ANO1: variants seen among roughly 807,000 people sequenced by gnomAD.
ANO1 encodes the protein anoctamin-1.
In ANO1, 59 loss-of-function variants were observed where a neutral mutation model predicts 124.0. That is an observed-to-expected ratio of 0.48 (90% CI 0.39 to 0.59). The LOEUF is 0.59. Among genes scored for constraint, ANO1 ranks in the 20% least tolerant of loss-of-function variants. The pLI, the probability that ANO1 is intolerant of heterozygous loss-of-function variation, is 0.00. For missense variants in ANO1, 1,059 were observed against 1,328.0 expected (o/e 0.80, Z 3.15); for synonymous variants, 529 against 532.0 (o/e 0.99, Z 0.08).
intron 21 of ANO1, among the ~76,000 whole-genome samples, chr11:70,169,608 G>T (rs955325149): frequency 1.3e-5 from 2 of 152,088 alleles, no homozygotes; most frequent in African/African-American, 2.4e-5. Context: ...TGGCCCTCAT[G>T]CACAGCACAC....
In ANO1 at chr11:70,029,289, G is replaced by T. The variant is rs570252897; in HGVS notation, c.58+43123G>T. On this transcript the variant is annotated intron_variant, in intron 1 of 27. Coordinates refer to the ANO1 transcript ENST00000531349. ...GGCACCCTCTTCCCTCTGCACACAG[G>T]CCTGCTCTGCGCAAAGATGAGGCCT... Among the ~76,000 whole-genome samples the T allele has an allele frequency of 5.9e-5, 9 of 152,314 alleles. No homozygotes were observed. The South Asian group carries it at 1.0e-3, about 18-fold the overall frequency.
chr11:70,099,693 G>A (rs527368890), intron 2 of ANO1, among the ~76,000 whole-genome samples: 2 of 152,318 alleles, frequency 1.3e-5, no homozygotes, highest in Admixed American at 6.5e-5. Flanking sequence ...TTGGCCGAAG[G>A]AGTCTGTGCT....
intron 11 of ANO1, among the ~76,000 whole-genome samples, chr11:70,135,853 C>T (rs951071864): frequency 3.9e-5 from 6 of 152,218 alleles, no homozygotes; most frequent in Admixed American, 6.5e-5. Context: ...GCGCCTGTTG[C>T]GGCTCTTGTT....
chr11:69,976,936 G>A, the ANO1 span, among the ~76,000 whole-genome samples: 6 of 152,128 alleles, frequency 3.9e-5, no homozygotes, highest in East Asian at 2.0e-4. Context: ...TCATCCCCCC[G>A]GGAGATGGCT....
intron 1 of ANO1, among the ~76,000 whole-genome samples, chr11:69,994,843 C>A (rs1179149392): frequency 6.6e-6 from 1 of 152,178 alleles, no homozygotes; most frequent in Non-Finnish European, 1.5e-5. Flanking sequence ...CTCTTCCCCA[C>A]CAGACACACA....
chr11:70,034,603 C>T (rs781689154), intron 1 of ANO1, among the ~76,000 whole-genome samples: 2 of 152,090 alleles, frequency 1.3e-5, no homozygotes, highest in East Asian at 1.9e-4. Flanking sequence ...CTGTTGTAGC[C>T]GCAAGCTTGG....
chr11:70,114,404 C>T (rs764292561), intron 7 of ANO1, among the ~76,000 whole-genome samples: 21 of 152,340 alleles, frequency 1.4e-4, no homozygotes, highest in Non-Finnish European at 2.6e-4. Context: ...GCCTGAGCCG[C>T]GTGCACCCAT....
chr11:70,110,331 C>T (rs1306367561), intron 6 of ANO1, among the ~76,000 whole-genome samples: 5 of 151,934 alleles, frequency 3.3e-5, no homozygotes, highest in Non-Finnish European at 5.9e-5. Context: ...GGACTACAGG[C>T]GCCCGCCACC....
chr11:70,117,579 G>A (rs1460802681), intron 8 of ANO1, among the ~76,000 whole-genome samples: 1 of 151,786 alleles, frequency 6.6e-6, no homozygotes. Flanking sequence ...GCCCACACCC[G>A]ATACCAGCCT....
intron 1 of ANO1, chr11:70,085,462 C>T (rs2044335000): frequency 6.5e-7 from 1 of 1,535,792 alleles, no homozygotes. Flanking sequence ...ACAGCGGGGC[C>T]CTGTGTTACT....
At position 70,087,960 on chromosome 11, in the gene ANO1, C is replaced by T. The variant is rs373880950; in HGVS notation, c.317C>T (p.Ala106Val). The T allele has an allele frequency of 2.8e-5, 44 of 1,589,438 alleles. No homozygotes were observed. In the Admixed American group the frequency reaches 2.8e-4, roughly 10 times the overall value. The change falls in exon 2 of 26, where the codon GCG becomes GTG. Residue 106 changes from alanine to valine, a missense_variant. Ala to Val is a moderately conservative substitution (Grantham distance 64). Around this residue, in one of 2 missense-constraint regions of ANO1, gnomAD observed 250 missense variants for 233.1 expected, o/e 1.07. Transcript: ENST00000355303. Reference sequence around the variant, plus strand: ...GACCACCCCCTGCCGGGCAAGGGGGCGTCGCTGGATGCAGGCTCGGGGGAG... The same window carrying T: ...GACCACCCCCTGCCGGGCAAGGGGGTGTCGCTGGATGCAGGCTCGGGGGAG... The part of the protein sequence containing the change: ...KQDHPLPGKG[A>V]SLDAGSGEPP...
At chr11:70,126,775 C>T (rs1278857835) in intron 10 of ANO1, among the ~76,000 whole-genome samples, 4 of 129,066 alleles carry the variant, frequency 3.1e-5, no homozygotes, top group Admixed American at 1.6e-4. Flanking sequence ...TGCAGGCTGG[C>T]ACTTGCGGGA....
At chr11:70,001,559 C>CA (rs1362945272) in intron 1 of ANO1, among the ~76,000 whole-genome samples, 5 of 152,146 alleles carry the variant, frequency 3.3e-5, no homozygotes, top group African/African-American at 1.2e-4. Context: ...TGACGTTGAA[C>CA]AAAAAAGGCC....
chr11:70,177,685 C>G (rs1055445279), intron 22 of ANO1, among the ~76,000 whole-genome samples: 1 of 150,400 alleles, frequency 6.6e-6, no homozygotes, highest in South Asian at 2.1e-4. Flanking sequence ...CTGCAACCTC[C>G]GCCCCCCGGG....
chr11:70,080,787 G>A (rs12421272), intron 1 of ANO1, among the ~76,000 whole-genome samples: 14,198 of 152,260 alleles, frequency 0.093, 994 homozygotes, highest in Admixed American at 0.19. Flanking sequence ...AGAGGCGCGC[G>A]CTGTGGGAGG....
At chr11:70,103,764 C>G (rs139288524) in intron 3 of ANO1, among the ~76,000 whole-genome samples, 1 of 152,052 alleles carries the variant, frequency 6.6e-6, no homozygotes, top group Non-Finnish European at 1.5e-5. Context: ...TAAAGTTTAG[C>G]GGGGAAGTTC....
upstream of ANO1, among the ~76,000 whole-genome samples, chr11:70,074,680 C>T (rs1293754937): frequency 6.6e-6 from 1 of 152,174 alleles, no homozygotes; most frequent in Non-Finnish European, 1.5e-5. Flanking sequence ...CTGGTTTTGT[C>T]CCCTGGAGGA....
intron 1 of ANO1, among the ~76,000 whole-genome samples, chr11:70,081,555 C>A (rs2044201046): frequency 6.6e-6 from 1 of 152,158 alleles, no homozygotes; most frequent in African/African-American, 2.4e-5. Flanking sequence ...TTTTACAGGC[C>A]ACTGATTTCA....
chr11:70,115,569 G>A (rs2045943756), intron 7 of ANO1, among the ~76,000 whole-genome samples: 1 of 152,094 alleles, frequency 6.6e-6, no homozygotes, highest in African/African-American at 2.4e-5. Flanking sequence ...CCGAGATCAT[G>A]CCACTGTACT....
Sources: gnomAD v4.1 joint callset for allele counts (sites outside exome capture counted in the v4.1 genomes callset) on GRCh38, gnomAD v4.1.1 for gene constraint, gnomAD v4.1.1 regional missense constraint, MANE v1.5 for transcripts, NCBI Gene and HGNC (gene_info 2026-07-23, HGNC 2026-07-21) for gene names.